The following MCPH1 variants were observed in gnomAD, a reference collection of about 807,000 sequenced individuals.
MCPH1 encodes microcephalin 1.
Under a neutral mutation model 84.5 loss-of-function variants are expected in MCPH1, and 104 were observed. The ratio of observed to expected loss-of-function variants is 1.23; its 90% CI spans 1.05 to 1.45. MCPH1 has a LOEUF of 1.45. MCPH1 is among the 40% of genes most tolerant of loss of function. MCPH1 has a pLI of 0.00. For synonymous variants in MCPH1, 514 were observed against 366.8 expected, an observed-to-expected ratio of 1.40 and a Z score of -4.58; for missense variants, 1,498 against 1,005.7, an observed-to-expected ratio of 1.49 and a Z score of -6.62.
Position 6,626,775 on chromosome 8 carries a change from G to A in MCPH1, c.2452+5084G>A, listed in dbSNP as rs546241996. 17 of 985,226 alleles carry A rather than the reference G, an allele frequency of 1.7e-5. No homozygotes were observed. The East Asian group carries it at 5.7e-4, about 33-fold the overall frequency. The allele number at this position is 985,226 out of a possible 1,614,324, so 61.0% of individuals were successfully genotyped here. ...TGGGTGGAGCTCTGAGCCCTGGCGC[G>A]GTCCTCAAGGGTCTGCGACATTTGT... On this transcript the variant is annotated intron_variant, in intron 13 of 13. Transcript: ENST00000344683.
Position 6,486,170 on chromosome 8 carries a change from C to T in MCPH1, c.2136+5294C>T, listed in dbSNP as rs1430801481. On this transcript the variant is annotated intron_variant, in intron 11 of 13. Coordinates refer to ENST00000344683, the MANE Select transcript of MCPH1 (RefSeq NM_024596.5). ...TTTATCTATGTCTTGCATATAACTT[C>T]AGATATAAACTTCACAGTTCCAATT... 3.3e-5 allele frequency among the ~76,000 whole-genome samples: 5 copies of T among 152,298 alleles called. No individual in the cohort carries two copies. The East Asian group carries it at 9.6e-4, about 29-fold the overall frequency.
intron 6 of MCPH1, among the ~76,000 whole-genome samples, chr8:6,439,955 G>C (rs1803260210): frequency 2.6e-5 from 4 of 152,138 alleles, no homozygotes; most frequent in Admixed American, 2.6e-4. Context: ...TCAGATATCT[G>C]TGTATACATG....
intron 9 of MCPH1, 74 bp from the exon 10 acceptor site, chr8:6,477,520 C>T: frequency 7.5e-7 from 1 of 1,340,284 alleles, no homozygotes; most frequent in Non-Finnish European, 1.1e-6. Context: ...AAACTTATTA[C>T]AGTTTATTTC....
intron 3 of MCPH1, among the ~76,000 whole-genome samples, chr8:6,430,309 A>G (rs999665235): frequency 2.8e-4 from 42 of 152,290 alleles, no homozygotes; most frequent in African/African-American, 9.9e-4. Context: ...CTGCCTCTGC[A>G]TTCAGTGTAT....
At chr8:6,490,812 G>T (rs1440449349) in intron 11 of MCPH1, among the ~76,000 whole-genome samples, 2 of 152,026 alleles carry the variant, frequency 1.3e-5, no homozygotes, top group Non-Finnish European at 2.9e-5. Flanking sequence ...GTAACAGCTT[G>T]CCATAGGTTC....
intron 12 of MCPH1, among the ~76,000 whole-genome samples, chr8:6,530,989 T>A (rs984218107): frequency 4.0e-5 from 6 of 148,834 alleles, no homozygotes; most frequent in African/African-American, 1.3e-4. Context: ...TTGTTTCACT[T>A]AAATCTGCTC....
chr8:6,480,579 T>C, intron 10 of MCPH1, 135 bp from the exon 11 acceptor site: 1 of 853,876 alleles, frequency 1.2e-6, no homozygotes, highest in Non-Finnish European at 2.0e-6. Context: ...TCAGTTAAGA[T>C]ATACGTACCA....
intron 12 of MCPH1, chr8:6,519,848 G>C: frequency 6.2e-7 from 1 of 1,613,072 alleles, no homozygotes; most frequent in South Asian, 1.1e-5. Flanking sequence ...TTAGTAAGGG[G>C]AGACGAATAC....
intron 3 of MCPH1, among the ~76,000 whole-genome samples, chr8:6,423,456 C>T (rs1023890185): frequency 3.9e-5 from 6 of 152,100 alleles, no homozygotes; most frequent in African/African-American, 9.6e-5. Context: ...TGAGCCCCTG[C>T]GCCCGGCCCA....
chr8:6,613,829 G>C (rs1347914844), intron 12 of MCPH1, among the ~76,000 whole-genome samples: 1 of 152,168 alleles, frequency 6.6e-6, no homozygotes, highest in Non-Finnish European at 1.5e-5. Flanking sequence ...CTTTGAGGTG[G>C]CAGCCAGGGG....
At chr8:6,510,405 G>A (rs181425388) in intron 12 of MCPH1, among the ~76,000 whole-genome samples, 4 of 152,276 alleles carry the variant, frequency 2.6e-5, no homozygotes, top group Admixed American at 2.6e-4. Flanking sequence ...GCCCTTCTTT[G>A]TAAAACCTGC....
At chr8:6,531,943 G>A (rs1444161420) in intron 12 of MCPH1, among the ~76,000 whole-genome samples, 1 of 152,172 alleles carries the variant, frequency 6.6e-6, no homozygotes, top group East Asian at 1.9e-4. Context: ...AGAGTTTCTA[G>A]CTCTTTGCCT....
Position 6,479,402 on chromosome 8 carries a change from CTATTTATTTATTTATTTATTTATTTATT to C in MCPH1, c.1974-1290_1974-1263del, listed in dbSNP as rs149984870. 4.3e-5 allele frequency among the ~76,000 whole-genome samples: 6 copies of C among 140,312 alleles called. No individual in the cohort carries two copies. The South Asian group carries it at 1.4e-3, about 33-fold the overall frequency. The allele number at this position is 140,312 out of a possible 152,430, so 92.1% of individuals were successfully genotyped here. A position where few individuals can be genotyped will look rare whatever the true frequency, so the allele number is the denominator to read the frequency against. On this transcript the variant is annotated intron_variant, in intron 10 of 13. Transcript: ENST00000344683. Reference sequence around the variant, plus strand: ...AGAGGAGAGATGTTTATTTCTTTTTCTATTTATTTATTTATTTATTTATTTATTTATTTATTTATTTATTTATTTTGAG... The same window carrying C: ...AGAGGAGAGATGTTTATTTCTTTTTCTATTTATTTATTTATTTATTTTGAG...
chr8:6,614,206 G>A (rs1830568498), intron 12 of MCPH1, among the ~76,000 whole-genome samples: 1 of 152,338 alleles, frequency 6.6e-6, no homozygotes, highest in Admixed American at 6.5e-5. Context: ...ATCAGCACTA[G>A]GATATGGTTT....
intron 12 of MCPH1, among the ~76,000 whole-genome samples, chr8:6,584,885 G>A (rs956849574): frequency 1.3e-5 from 2 of 152,152 alleles, no homozygotes; most frequent in Non-Finnish European, 2.9e-5. Flanking sequence ...TTAACAAATA[G>A]CAAAACAGAG....
intron 10 of MCPH1, 63 bp from the exon 11 acceptor site, chr8:6,480,651 C>G: frequency 8.8e-6 from 14 of 1,588,176 alleles, no homozygotes; most frequent in Non-Finnish European, 1.2e-5. Flanking sequence ...TTGAGTGTAA[C>G]TGCTTTGATG....
chr8:6,540,860 C>T (rs563558127), intron 12 of MCPH1, among the ~76,000 whole-genome samples: 6 of 152,352 alleles, frequency 3.9e-5, no homozygotes, highest in Admixed American at 1.3e-4. Context: ...TGGACTCAGG[C>T]GGCCACCGCC....
intron 12 of MCPH1, among the ~76,000 whole-genome samples, chr8:6,550,630 G>A (rs1425276509): frequency 6.6e-6 from 1 of 152,168 alleles, no homozygotes; most frequent in African/African-American, 2.4e-5. Context: ...GAAGTCTGTC[G>A]GCCCTCCTGA....
intron 12 of MCPH1, among the ~76,000 whole-genome samples, chr8:6,504,894 C>A (rs570815551): frequency 2.0e-4 from 30 of 151,952 alleles, no homozygotes; most frequent in African/African-American, 7.0e-4. Flanking sequence ...TGGAATGTTT[C>A]CCCTAAGGAT....
Sources: gnomAD v4.1 joint callset for allele counts (sites outside exome capture counted in the v4.1 genomes callset) on GRCh38, gnomAD v4.1.1 for gene constraint, MANE v1.5 for transcripts, NCBI Gene and HGNC (gene_info 2026-07-23, HGNC 2026-07-21) for gene names.